Variants in VSIG8 observed in about 807,000 individuals in gnomAD.
VSIG8 encodes V-set and immunoglobulin domain-containing protein 8.
In VSIG8, 32 loss-of-function variants were observed where a neutral mutation model predicts 42.6. That is an observed-to-expected ratio of 0.75 (90% CI 0.57 to 1.01). The LOEUF is 1.01. Ranked by LOEUF, VSIG8 falls within the 50% of genes least tolerant of loss-of-function variation. The pLI, the probability that VSIG8 is intolerant of heterozygous loss-of-function variation, is 0.00. For missense variants in VSIG8, 529 were observed against 558.0 expected (o/e 0.95, Z 0.52); for synonymous variants, 290 against 243.8 (o/e 1.19, Z -1.77).
Position 159,856,080 on chromosome 1 carries a change from G to A in VSIG8, c.774C>T (p.Asp258=). The A allele has an allele frequency of 6.2e-7, 1 of 1,610,676 alleles. No homozygotes were observed. The highest frequency in any genetic ancestry group is 8.5e-7 in the Non-Finnish European group (1 of 1,178,704). Residue 258 remains aspartate (D), a splice_region_variant and synonymous_variant, in exon 6 of 7, where the codon GAC becomes GAT. Coordinates refer to ENST00000368100, the MANE Select transcript of VSIG8 (RefSeq NM_001013661.1). ...SVCVVEVKVS[D]SRRIGVIIGI... is the part of the protein sequence containing the mutation. Reference sequence around the variant, plus strand: ...CGATGATCACGCCTATACGCCGGGAGTCTGTGGAGAGAAGTGGAGGCAGGT... The same window carrying A: ...CGATGATCACGCCTATACGCCGGGAATCTGTGGAGAGAAGTGGAGGCAGGT...
chr1:159,856,232 A>G, intron 5 of VSIG8, 151 bp from the exon 6 acceptor site: 1 of 807,134 alleles, frequency 1.2e-6, no homozygotes, highest in Non-Finnish European at 1.9e-6. Flanking sequence ...AGTGGGGAAG[A>G]TATGGGGAGA....
intron 5 of VSIG8, 61 bp from the exon 6 acceptor site, chr1:159,856,142 C>A: frequency 6.5e-7 from 1 of 1,531,930 alleles, no homozygotes. Context: ...CCTGAGGGAA[C>A]AGCACCAGGA....
intron 5 of VSIG8, 24 bp downstream of exon 5, chr1:159,856,495 CACCCA>C (rs775887649): frequency 1.4e-5 from 22 of 1,611,364 alleles, no homozygotes; most frequent in Middle Eastern, 1.6e-4. Flanking sequence ...CCCTCCCAAC[CACCCA>C]GCCCTCAAGA....
intron 6 of VSIG8, chr1:159,855,273 G>A (rs1571165188): frequency 1.3e-6 from 2 of 1,549,926 alleles, no homozygotes; most frequent in Non-Finnish European, 1.7e-6. Context: ...TATCTGGAGA[G>A]CCCTGCAGGC....
chr1:159,855,341 G>A, intron 6 of VSIG8: 1 of 1,484,160 alleles, frequency 6.7e-7, no homozygotes, highest in Non-Finnish European at 9.0e-7. Flanking sequence ...AGAAGAAGGT[G>A]CTTTTCCTCT....
Position 159,857,975 on chromosome 1 carries a change from A to C in VSIG8, c.431-9T>G. The C allele has an allele frequency of 6.2e-7, 1 of 1,613,284 alleles. No homozygotes were observed. Among genetic ancestry groups the C allele is most frequent in the South Asian group, 1.1e-5 (1 of 90,900 alleles). On this transcript the variant is annotated splice_polypyrimidine_tract_variant and intron_variant, in intron 3 of 6. Coordinates refer to ENST00000368100, the MANE Select transcript of VSIG8 (RefSeq NM_001013661.1). Reference sequence around the variant, plus strand: ...GGGCACTGCAGGTCGTGCTGCAAGGAGGCAGACAATTGTAAGCCAGGGCCC... The same window carrying C: ...GGGCACTGCAGGTCGTGCTGCAAGGCGGCAGACAATTGTAAGCCAGGGCCC...
In VSIG8 at chr1:159,854,846, C is replaced by A; in HGVS notation, c.1152G>T (p.Ala384=). The A allele has an allele frequency of 6.7e-7, 1 of 1,484,240 alleles. No homozygotes were observed. Among genetic ancestry groups the A allele is most frequent in the Non-Finnish European group, 8.9e-7 (1 of 1,126,486 alleles). 91.9% of individuals were successfully genotyped at this position (1,484,240 alleles called of 1,614,324 possible). A position where few individuals can be genotyped will look rare whatever the true frequency, so the allele number is the denominator to read the frequency against. ...APCTAAAACE[A]GPSPVYVKVK... The stretch of plus-strand genomic sequence containing the variant: ...CCTTGACGTAGACCGGGGAGGGGCC[C>A]GCTTCGCAGGCGGCGGCGGCGGTGC... Residue 384 remains alanine, a synonymous_variant, in exon 7 of 7, where the codon GCG becomes GCT. Transcript: ENST00000368100.
chr1:159,854,523 G>C lies in VSIG8; in HGVS notation c.*230C>G, dbSNP rs1028743805. 2.5e-6 allele frequency: 2 copies of C among 795,528 alleles called. No individual in the cohort carries two copies. Among genetic ancestry groups the C allele is most frequent in the Middle Eastern group, 4.1e-4 (1 of 2,460 alleles). The allele number at this position is 795,528 out of a possible 1,614,324, so 49.3% of individuals were successfully genotyped here. ...CTCCCCCAAGCCTTCGGTCCCGGGG[G>C]TGCGGAGAAGGCTCAGGATCGCCTT... On this transcript the variant is annotated 3_prime_UTR_variant, in exon 7 of 7. Coordinates refer to ENST00000368100, the MANE Select transcript of VSIG8 (RefSeq NM_001013661.1).
At position 159,858,278 on chromosome 1, in the gene VSIG8, T is replaced by G. The variant is rs777163211; in HGVS notation, c.242A>C (p.Gln81Pro). The change falls in exon 3 of 7, where the codon CAG becomes CCG. Residue 81 changes from glutamine to proline, a missense_variant. Gln to Pro is a moderately conservative substitution (Grantham distance 76). Transcript: ENST00000368100. ...HHRENVFLSY[Q>P]DKRINHGSLP... is the part of the protein sequence containing the mutation. ...GCTGCCATGGTTGATCCTCTTGTCC[T>G]GGTAACTAAGGAACTGTGAAGAGGA... 2.1e-5 allele frequency: 34 copies of G among 1,614,086 alleles called. No homozygotes were observed. The highest frequency in any genetic ancestry group is 1.9e-5 in the Non-Finnish European group (22 of 1,180,044).
chr1:159,856,794 A>AGAAGAAGGGAAGG, intron 4 of VSIG8, 151 bp from the exon 5 acceptor site: 1 of 866,684 alleles, frequency 1.2e-6, no homozygotes, highest in Non-Finnish European at 1.7e-6. Flanking sequence ...CACACACTCC[A>AGAAGAAGGGAAGG]CTCTCCAGGT....
rs755035367 is a variant in VSIG8 at position 159,856,630 on chromosome 1, C to T, written c.666G>A (p.Gly222=). ...HSSINQGLNN[G]DLVLKDISRA... ...TGGAGATATCCTTCAACACCAGGTC[C>T]CCATTGTTCAGGCCTGAAAGTGAAG... is the stretch of plus-strand genomic sequence containing the variant. The change falls in exon 5 of 7, where the codon GGG becomes GGA. Residue 222 remains glycine (G), a synonymous_variant. Transcript: ENST00000368100. The T allele has an allele frequency of 3.1e-6, 5 of 1,614,010 alleles. No homozygotes were observed. In the African/African-American group the frequency reaches 4.0e-5, roughly 13 times the overall value.
At chr1:159,855,801 CG>C in intron 6 of VSIG8, 81 bp downstream of exon 6, 1 of 1,452,650 alleles carries the variant, frequency 6.9e-7, no homozygotes, top group Non-Finnish European at 9.0e-7. Flanking sequence ...GGGGCCCAGC[CG>C]GCCGGTGGCA....
chr1:159,862,301 T>A, intron 1 of VSIG8, 172 bp downstream of exon 1: 1 of 606,128 alleles, frequency 1.6e-6, no homozygotes, highest in Non-Finnish European at 2.9e-6. Context: ...GCACAGGGTC[T>A]CCTGGGGAAA....
intron 1 of VSIG8, 145 bp from the exon 2 acceptor site, chr1:159,859,057 G>T: frequency 1.3e-6 from 1 of 762,980 alleles, no homozygotes; most frequent in Non-Finnish European, 2.1e-6. Context: ...TGCTCGTAGT[G>T]GGTGTGTATG....
rs1184103434 is a variant in VSIG8 at position 159,857,907 on chromosome 1, C to T, written c.490G>A (p.Val164Met). The change falls in exon 4 of 7, where the codon GTG (valine) becomes ATG (methionine). Residue 164 changes from valine to methionine, a missense_variant. Coordinates refer to ENST00000368100, the MANE Select transcript of VSIG8 (RefSeq NM_001013661.1). ...CCCCCACTGGCATAGCACTTCAGCA[C>T]CACATCGTTGCCATATGTCATGTGG... ...EGHMTYGNDV[V>M]LKCYASGGSQ... is the part of the protein sequence containing the mutation. 1.2e-6 allele frequency: 2 copies of T among 1,614,112 alleles called. No individual in the cohort carries two copies. The highest frequency in any genetic ancestry group is 1.7e-6 in the Non-Finnish European group (2 of 1,180,036).
Position 159,857,889 on chromosome 1 carries a change from T to C in VSIG8, c.508A>G (p.Ser170Gly). ...TAGGAGAGGGGCTGGGAGCCCCCAC[T>C]GGCATAGCACTTCAGCACCACATCG... ...GNDVVLKCYA[S>G]GGSQPLSYKW... is the part of the protein sequence containing the mutation. Residue 170 changes from serine (S) to glycine (G), a missense_variant, in exon 4 of 7, where the codon AGT becomes GGT. Coordinates refer to ENST00000368100, the MANE Select transcript of VSIG8 (RefSeq NM_001013661.1). 1.2e-6 allele frequency: 2 copies of C among 1,614,230 alleles called. 1 individual carries two copies.
intron 1 of VSIG8, chr1:159,861,523 C>T (rs1053789689): frequency 6.6e-6 from 1 of 152,188 alleles, no homozygotes; most frequent in Non-Finnish European, 1.5e-5. Context: ...CAGCCCTGCT[C>T]TCATCAGACA....
intron 1 of VSIG8, chr1:159,860,576 C>A (rs989742767): frequency 1.3e-5 from 2 of 152,284 alleles, no homozygotes; most frequent in African/African-American, 4.8e-5. Context: ...CCCAGCTAGA[C>A]TCCAAGGTGA....
At chr1:159,860,782 C>T (rs1403597769) in intron 1 of VSIG8, 1 of 152,310 alleles carries the variant, frequency 6.6e-6, no homozygotes, top group Non-Finnish European at 1.5e-5. Context: ...TGGAGAAGCA[C>T]CGCTGGAAGC....
Sources: allele counts gnomAD v4.1 joint callset, GRCh38; gene constraint gnomAD v4.1.1; transcripts MANE v1.5; gene names NCBI Gene and HGNC (gene_info 2026-07-23, HGNC 2026-07-21).